The following NCF1 variants were observed in gnomAD, a reference collection of about 807,000 sequenced individuals.
NCF1 encodes the protein neutrophil cytosol factor 1.
Under a neutral mutation model 34.9 loss-of-function variants are expected in NCF1, and 8 were observed. The ratio of observed to expected loss-of-function variants is 0.23; its 90% CI spans 0.13 to 0.41. The LOEUF is 0.41. Ranked by LOEUF, NCF1 falls within the 10% of genes least tolerant of loss-of-function variation. The probability of loss-of-function intolerance (pLI) is 1.00; values close to 1 mark genes in which losing one functional copy is unlikely to be tolerated. For synonymous variants in NCF1, 57 were observed against 146.3 expected (o/e 0.39, Z 4.41); for missense variants, 122 against 362.4 (o/e 0.34, Z 5.39).
chr7:74,779,215 C>T (rs1554413425), intron 3 of NCF1, 42 bp from the exon 4 acceptor site: 2 of 1,609,622 alleles, frequency 1.2e-6, no homozygotes, highest in Non-Finnish European at 1.7e-6. Context: ...CACCTGCCCT[C>T]CCAGCCCCTC....
At chr7:74,783,122 C>T in intron 6 of NCF1, 61 bp downstream of exon 6, 2 of 1,578,016 alleles carry the variant, frequency 1.3e-6, no homozygotes, top group Non-Finnish European at 1.7e-6. Context: ...CAGCCACAAG[C>T]CCCCTGCCAA....
Position 74,783,059 on chromosome 7 carries a change from G to A in NCF1, c.572G>A (p.Ser191Asn), listed in dbSNP as rs1434402193. ...DVVEVVEKSE[S>N]GWWFCQMKAK... ...GTGGAGGTCGTAGAGAAGAGCGAGA[G>A]CGGTCAGACCTCCCACCTTACGGGG... The change falls in exon 6 of 11, where the codon AGC becomes AAC. Residue 191 changes from serine (S) to asparagine (N), a missense_variant and splice_region_variant. Ser to Asn is a conservative substitution (Grantham distance 46, BLOSUM62 1). Transcript: ENST00000289473. 2.5e-6 allele frequency: 4 copies of A among 1,611,390 alleles called. No individual in the cohort carries two copies. The highest frequency in any genetic ancestry group is 1.3e-5 in the African/African-American group (1 of 74,718).
chr7:74,786,254 A>C, intron 8 of NCF1, among the ~76,000 whole-genome samples: 1 of 121,990 alleles, frequency 8.2e-6, no homozygotes, highest in African/African-American at 3.0e-5. Flanking sequence ...AAAAAAAAAA[A>C]AGCTTCCATT....
At chr7:74,787,615 G>C (rs1362180087) in intron 8 of NCF1, among the ~76,000 whole-genome samples, 2 of 151,308 alleles carry the variant, frequency 1.3e-5, no homozygotes, top group Admixed American at 6.6e-5. Context: ...TAGGGGTCTT[G>C]CTATGTTACC....
At chr7:74,781,637 A>C (rs1414496236) in intron 5 of NCF1, 4 of 149,684 alleles carry the variant, frequency 2.7e-5, no homozygotes, top group African/African-American at 9.9e-5. Context: ...GGCTGAAGCG[A>C]TCCTCCCACC....
In NCF1 at chr7:74,788,640, C is replaced by G. The variant is rs781808663; in HGVS notation, c.987C>G (p.Val329=). ...LSQDAYRRNS[V]RFLQQRRRQA... is the part of the protein sequence containing the mutation. ...AGGACGCCTATCGCCGCAACAGCGT[C>G]CGTTTTCTGCAGCAGCGACGCCGCC... Residue 329 remains valine (V), a synonymous_variant, in exon 10 of 11, where the codon GTC becomes GTG. Coordinates refer to ENST00000289473, the MANE Select transcript of NCF1 (RefSeq NM_000265.7). 1.9e-6 allele frequency: 3 copies of G among 1,551,636 alleles called. No homozygotes were observed. The African/African-American group carries it at 4.1e-5, about 21-fold the overall frequency.
At position 74,783,074 on chromosome 7, in the gene NCF1, A is replaced by G. The variant is rs1168790943; in HGVS notation, c.574+13A>G. On this transcript the variant is annotated intron_variant, in intron 6 of 10. Transcript: ENST00000289473. ...AAGAGCGAGAGCGGTCAGACCTCCC[A>G]CCTTACGGGGCTCCTTCCCCTGGTG... 9 of 1,610,244 alleles carry G rather than the reference A, an allele frequency of 5.6e-6. 1 individual carries two copies. The Admixed American group carries it at 6.7e-5, about 12-fold the overall frequency.
Position 74,783,081 on chromosome 7 carries a change from G to T in NCF1, c.574+20G>T. Reference sequence around the variant, plus strand: ...AGAGCGGTCAGACCTCCCACCTTACGGGGCTCCTTCCCCTGGTGCTCAGGA... The same window carrying T: ...AGAGCGGTCAGACCTCCCACCTTACTGGGCTCCTTCCCCTGGTGCTCAGGA... On this transcript the variant is annotated intron_variant, in intron 6 of 10. Transcript: ENST00000289473. The T allele has an allele frequency of 6.2e-7, 1 of 1,608,806 alleles. No homozygotes were observed. Among genetic ancestry groups the T allele is most frequent in the Non-Finnish European group, 8.5e-7 (1 of 1,178,430 alleles).
intron 8 of NCF1, among the ~76,000 whole-genome samples, chr7:74,786,220 G>A (rs1212874443): frequency 1.2e-5 from 1 of 81,152 alleles, no homozygotes; most frequent in Non-Finnish European, 2.6e-5. Context: ...GGGTGATGGA[G>A]CAAGACCCTG....
intron 1 of NCF1, among the ~76,000 whole-genome samples, chr7:74,775,858 T>C (rs1210292798): frequency 1.3e-5 from 2 of 149,738 alleles, no homozygotes; most frequent in African/African-American, 2.5e-5. Context: ...CTCAGCCTCC[T>C]GAGTAGCTGG....
At chr7:74,784,262 C>T (rs1796634466) in intron 7 of NCF1, among the ~76,000 whole-genome samples, 1 of 122,710 alleles carries the variant, frequency 8.1e-6, no homozygotes, top group Admixed American at 9.0e-5. Context: ...CGGGGTTTCA[C>T]CAGGTTGGCC....
At chr7:74,787,707 C>T (rs1796699670) in intron 8 of NCF1, among the ~76,000 whole-genome samples, 1 of 141,126 alleles carries the variant, frequency 7.1e-6, no homozygotes, top group Admixed American at 7.3e-5. Context: ...CGTGAGCGAC[C>T]GTGCCCTGCC....
chr7:74,783,883 G>A (rs1304885519), intron 7 of NCF1, among the ~76,000 whole-genome samples: 1 of 151,902 alleles, frequency 6.6e-6, no homozygotes, highest in Non-Finnish European at 1.5e-5. Flanking sequence ...ATGTGGCCAG[G>A]TTCAGTGGGA....
chr7:74,778,616 A>G (rs1459356917), intron 2 of NCF1, among the ~76,000 whole-genome samples: 2 of 147,546 alleles, frequency 1.4e-5, no homozygotes, highest in East Asian at 2.0e-4. Flanking sequence ...TGACTTGCAC[A>G]TGGGAGGGAG....
At chr7:74,778,744 G>A (rs1796522170) in intron 2 of NCF1, among the ~76,000 whole-genome samples, 2 of 115,026 alleles carry the variant, frequency 1.7e-5, no homozygotes, top group Non-Finnish European at 3.7e-5. Flanking sequence ...GCACCATCTC[G>A]GCTCACTGTA....
chr7:74,781,945 C>T (rs2523327), intron 5 of NCF1, among the ~76,000 whole-genome samples: 14 of 151,810 alleles, frequency 9.2e-5, no homozygotes, highest in Non-Finnish European at 1.3e-4. Flanking sequence ...TCTCTTAATA[C>T]ACCCACACTG....
chr7:74,783,734 T>C (rs587746171), intron 7 of NCF1, 102 bp downstream of exon 7: 4,954 of 1,485,836 alleles, frequency 3.3e-3, no homozygotes, highest in Non-Finnish European at 4.0e-3. Context: ...GTTGCTGGCT[T>C]GGCAGAAAAG....
intron 1 of NCF1, among the ~76,000 whole-genome samples, chr7:74,775,880 C>T (rs1299557908): frequency 1.3e-5 from 2 of 149,900 alleles, no homozygotes; most frequent in Admixed American, 6.7e-5. Context: ...AATACAGGTG[C>T]GCGCCACCAT....
chr7:74,785,739 C>T (rs1228562756), intron 8 of NCF1, among the ~76,000 whole-genome samples: 2 of 151,760 alleles, frequency 1.3e-5, no homozygotes, highest in South Asian at 2.1e-4. Flanking sequence ...AAACATGAGC[C>T]GGGTGTGGTG....
Sources: allele counts gnomAD v4.1 joint callset (sites outside exome capture counted in the v4.1 genomes callset), GRCh38; gene constraint gnomAD v4.1.1; transcripts MANE v1.5; gene names NCBI Gene and HGNC (gene_info 2026-07-23, HGNC 2026-07-21).